Variants in DCHS2 observed in about 807,000 individuals in gnomAD.
DCHS2 encodes the protein dachsous cadherin-related 2, also known as protocadherin-23.
In DCHS2, 142 loss-of-function variants were observed where a neutral mutation model predicts 182.4. The observed-to-expected ratio is 0.78, with a 90% CI of 0.68 to 0.89. The LOEUF (loss-of-function observed/expected upper bound fraction) is 0.89, where lower values mean the gene tolerates loss of function less well. DCHS2 is among the 40% of genes least tolerant of loss of function. The pLI is 0.00. For synonymous variants in DCHS2, 1,740 were observed against 1,663.3 expected (o/e 1.05, Z -1.12); for missense variants, 4,319 against 4,198.6 (o/e 1.03, Z -0.79).
intron 1 of DCHS2, among the ~76,000 whole-genome samples, chr4:154,487,732 C>G (rs143388913): frequency 1.3e-5 from 2 of 152,294 alleles, no homozygotes; most frequent in Non-Finnish European, 2.9e-5. Context: ...AGAAAGTAAG[C>G]AGCAAACATC....
At chr4:154,315,666 C>T in intron 10 of DCHS2, 82 bp downstream of exon 10, 1 of 1,540,708 alleles carries the variant, frequency 6.5e-7, no homozygotes, top group African/African-American at 1.4e-5. Context: ...TTTTCTGAGC[C>T]ATAACTATTA....
At chr4:154,325,503 T>C (rs1332205060) in intron 7 of DCHS2, among the ~76,000 whole-genome samples, 1 of 152,054 alleles carries the variant, frequency 6.6e-6, no homozygotes, top group Non-Finnish European at 1.5e-5. Context: ...AATGCATACC[T>C]GCAAAGCCAG....
chr4:154,446,560 A>G (rs1734293078), intron 1 of DCHS2, among the ~76,000 whole-genome samples: 1 of 152,162 alleles, frequency 6.6e-6, no homozygotes, highest in South Asian at 2.1e-4. Flanking sequence ...TGCATTTTAC[A>G]GATGAGGAAA....
At chr4:154,274,391 C>G (rs1733736400) in intron 13 of DCHS2, among the ~76,000 whole-genome samples, 1 of 152,056 alleles carries the variant, frequency 6.6e-6, no homozygotes, top group Non-Finnish European at 1.5e-5. Flanking sequence ...TGTTTCTAAC[C>G]CTTTTGGCAC....
chr4:154,452,870 C>A (rs1224300160), intron 1 of DCHS2, among the ~76,000 whole-genome samples: 1 of 152,124 alleles, frequency 6.6e-6, no homozygotes, highest in Non-Finnish European at 1.5e-5. Flanking sequence ...TTGACAATCA[C>A]AAAAGCATCA....
intron 1 of DCHS2, among the ~76,000 whole-genome samples, chr4:154,382,157 C>G (rs978784045): frequency 6.6e-6 from 1 of 152,020 alleles, no homozygotes; most frequent in African/African-American, 2.4e-5. Context: ...TGATCTTTGA[C>G]AAAGTTGAAT....
chr4:154,304,447 CAG>C (rs1314816006), intron 12 of DCHS2, among the ~76,000 whole-genome samples: 3 of 152,062 alleles, frequency 2.0e-5, no homozygotes, highest in Non-Finnish European at 4.4e-5. Context: ...GTATCAAACA[CAG>C]AGTAATCAAC....
chr4:154,252,348 A>ATCTT (rs1732411146), intron 16 of DCHS2, among the ~76,000 whole-genome samples: 2 of 152,126 alleles, frequency 1.3e-5, no homozygotes, highest in Non-Finnish European at 2.9e-5. Flanking sequence ...TTTAATTATA[A>ATCTT]TCTTTTTGTT....
chr4:154,444,216 C>A (rs1734161610), intron 1 of DCHS2, among the ~76,000 whole-genome samples: 1 of 152,174 alleles, frequency 6.6e-6, no homozygotes, highest in Non-Finnish European at 1.5e-5. Context: ...ACTCAAACCT[C>A]TTCTGAATTT....
rs1365652452 is a variant in DCHS2 at position 154,304,839 on chromosome 4, G to A, written c.5435C>T (p.Thr1812Ile). Residue 1812 changes from threonine to isoleucine, a missense_variant, in exon 12 of 20, where the codon ACC becomes ATC. Transcript: ENST00000357232. ...TTCAACAGTGCAGAGGATTGTTGTG[G>A]TGCTGGACAATGAAGGGAATCCCCC... ...RDGGFPSLSSTTTILCTVEDE... is the reference protein window; with the variant it reads ...RDGGFPSLSSITTILCTVEDE... 2 of 1,613,330 alleles carry A rather than the reference G, an allele frequency of 1.2e-6. No homozygotes were observed. Among genetic ancestry groups the A allele is most frequent in the African/African-American group, 2.7e-5 (2 of 74,872 alleles).
chr4:154,252,990 C>T (rs1184121774), intron 16 of DCHS2, among the ~76,000 whole-genome samples: 1 of 151,356 alleles, frequency 6.6e-6, no homozygotes, highest in Non-Finnish European at 1.5e-5. Context: ...CCAGAACATT[C>T]ACTAAAGGTG....
intron 1 of DCHS2, among the ~76,000 whole-genome samples, chr4:154,473,026 G>A (rs1422801500): frequency 6.6e-6 from 1 of 152,120 alleles, no homozygotes; most frequent in Non-Finnish European, 1.5e-5. Context: ...GAGTGTCCAG[G>A]GCCTAGTTCA....
At chr4:154,315,608 C>A in intron 10 of DCHS2, 140 bp downstream of exon 10, 1 of 1,274,286 alleles carries the variant, frequency 7.8e-7, no homozygotes, top group Non-Finnish European at 1.1e-6. Flanking sequence ...TGTGTGGATG[C>A]AAATGAAAGA....
intron 19 of DCHS2, among the ~76,000 whole-genome samples, 185 bp downstream of exon 19, chr4:154,238,985 G>C (rs936570831): frequency 6.6e-6 from 1 of 151,972 alleles, no homozygotes; most frequent in Admixed American, 6.6e-5. Flanking sequence ...TGTTGGAGAA[G>C]AGAAATAACA....
chr4:154,369,877 T>C (rs79950229), intron 2 of DCHS2, among the ~76,000 whole-genome samples: 7,073 of 152,250 alleles, frequency 0.046, 200 homozygotes, highest in Middle Eastern at 0.095. Context: ...TGAAAACATA[T>C]AATATTGGAG....
chr4:154,334,842 A>T, intron 4 of DCHS2, 26 bp downstream of exon 4: 1 of 1,524,188 alleles, frequency 6.6e-7, no homozygotes, highest in South Asian at 1.1e-5. Flanking sequence ...ATGGAATTCC[A>T]TGCAGCATAA....
chr4:154,398,610 G>A (rs1732030736), intron 1 of DCHS2, among the ~76,000 whole-genome samples: 1 of 152,056 alleles, frequency 6.6e-6, no homozygotes, highest in South Asian at 2.1e-4. Flanking sequence ...TTTTTGAATG[G>A]TTTTTTGGAA....
At chr4:154,364,226 G>T (rs1730249397) in intron 3 of DCHS2, among the ~76,000 whole-genome samples, 1 of 152,228 alleles carries the variant, frequency 6.6e-6, no homozygotes, top group Non-Finnish European at 1.5e-5. Flanking sequence ...AGGAAGGGAA[G>T]CATGAGTCTG....
chr4:154,268,239 C>G (rs75947906), intron 14 of DCHS2, among the ~76,000 whole-genome samples: 3 of 148,600 alleles, frequency 2.0e-5, no homozygotes, highest in Non-Finnish European at 4.4e-5. Context: ...TTCCCCCCCC[C>G]AAAAAAATAA....
Sources: allele counts gnomAD v4.1 joint callset (sites outside exome capture counted in the v4.1 genomes callset), GRCh38; gene constraint gnomAD v4.1.1; transcripts MANE v1.5; gene names NCBI Gene and HGNC (gene_info 2026-07-23, HGNC 2026-07-21).